The following ADAMTSL1 variants were observed in gnomAD, a reference collection of about 807,000 sequenced individuals.
The protein encoded by ADAMTSL1 is ADAMTS-like protein 1.
ADAMTSL1 carries 126 observed loss-of-function variants against 201.8 expected under a neutral mutation model. That is an observed-to-expected ratio of 0.62 (90% CI 0.54 to 0.72). The LOEUF (loss-of-function observed/expected upper bound fraction) is 0.72, where lower values mean the gene tolerates loss of function less well. Among genes scored for constraint, ADAMTSL1 ranks in the 30% least tolerant of loss-of-function variants. ADAMTSL1 has a pLI of 0.00. For synonymous variants in ADAMTSL1, 1,121 were observed against 903.4 expected (o/e 1.24, Z -4.32); for missense variants, 2,679 against 2,277.8 (o/e 1.18, Z -3.59).
chr9:17,919,362 G>A (rs969525672), intron 1 of ADAMTSL1, among the ~76,000 whole-genome samples: 1 of 151,550 alleles, frequency 6.6e-6, no homozygotes, highest in African/African-American at 2.4e-5. Flanking sequence ...CATTTTAAAC[G>A]GTTCTGGTTC....
chr9:17,997,600 T>C (rs1291535028), intron 1 of ADAMTSL1, among the ~76,000 whole-genome samples: 1 of 152,018 alleles, frequency 6.6e-6, no homozygotes, highest in Non-Finnish European at 1.5e-5. Flanking sequence ...AGCAGGGCCC[T>C]CCACACAGCG....
intron 1 of ADAMTSL1, among the ~76,000 whole-genome samples, chr9:18,124,075 C>T (rs1394660718): frequency 1.7e-5 from 2 of 117,130 alleles, no homozygotes; most frequent in African/African-American, 6.2e-5. Context: ...GCTTATTTGC[C>T]AGTTTTTTTT....
At chr9:18,542,811 C>T (rs1820231292) in intron 3 of ADAMTSL1, among the ~76,000 whole-genome samples, 1 of 152,176 alleles carries the variant, frequency 6.6e-6, no homozygotes, top group East Asian at 1.9e-4. Context: ...TTCTGAAAGA[C>T]TACATTATTT....
rs190812290 is a variant in ADAMTSL1 at position 18,001,463 on chromosome 9, T to A, written c.87+94541T>A. 6.6e-5 allele frequency among the ~76,000 whole-genome samples: 10 copies of A among 152,076 alleles called. No individual in the cohort carries two copies. In the South Asian group the frequency reaches 2.1e-3, roughly 32 times the overall value. ...GTCAGTGGGGAAGTCAGATGTAGAA[T>A]AGGTCATTTTAGGAAAATAAAATTG... On this transcript the variant is annotated intron_variant, in intron 1 of 29. Coordinates refer to the ADAMTSL1 transcript ENST00000680146.
At chr9:18,470,115 C>G (rs1344286410), upstream of ADAMTSL1, among the ~76,000 whole-genome samples, 2 of 152,110 alleles carry the variant, frequency 1.3e-5, no homozygotes, top group East Asian at 3.9e-4. Flanking sequence ...AGTCAAACAG[C>G]CTTTGATAGA....
At chr9:17,915,388 A>C (rs769269803) in intron 1 of ADAMTSL1, among the ~76,000 whole-genome samples, 1 of 152,200 alleles carries the variant, frequency 6.6e-6, no homozygotes. Context: ...GCATGTATCA[A>C]TATCTCGCTG....
chr9:18,812,634 G>A (rs1823573863), intron 20 of ADAMTSL1, among the ~76,000 whole-genome samples: 1 of 152,144 alleles, frequency 6.6e-6, no homozygotes, highest in African/African-American at 2.4e-5. Context: ...ATGTCATGAA[G>A]TGTTTCCTCT....
At chr9:18,167,873 C>T (rs1040786562) in intron 2 of ADAMTSL1, among the ~76,000 whole-genome samples, 1 of 151,896 alleles carries the variant, frequency 6.6e-6, no homozygotes, top group African/African-American at 2.4e-5. Flanking sequence ...AGAAATATGT[C>T]AGGAACATTT....
intron 1 of ADAMTSL1, among the ~76,000 whole-genome samples, chr9:17,953,222 G>T (rs1827798895): frequency 6.6e-6 from 1 of 152,066 alleles, no homozygotes; most frequent in African/African-American, 2.4e-5. Context: ...ACTTGTTGAT[G>T]CTACAACCCT....
intron 1 of ADAMTSL1, among the ~76,000 whole-genome samples, chr9:18,478,539 C>G (rs530392339): frequency 5.5e-4 from 83 of 152,208 alleles, no homozygotes; most frequent in African/African-American, 1.9e-3. Context: ...ATGTGTAGTT[C>G]TGTTTCTTTG....
At chr9:18,006,795 A>G (rs906551656) in intron 1 of ADAMTSL1, among the ~76,000 whole-genome samples, 1 of 152,022 alleles carries the variant, frequency 6.6e-6, no homozygotes, top group African/African-American at 2.4e-5. Flanking sequence ...CATTGTGATG[A>G]CGACATTTTA....
At chr9:17,971,447 C>T (rs188911561) in intron 1 of ADAMTSL1, among the ~76,000 whole-genome samples, 1 of 151,986 alleles carries the variant, frequency 6.6e-6, no homozygotes. Context: ...GCTTTTAAAT[C>T]TAGGACACAA....
chr9:18,696,286 G>T (rs111348104), intron 13 of ADAMTSL1, among the ~76,000 whole-genome samples: 1,629 of 152,302 alleles, frequency 0.011, 23 homozygotes, highest in African/African-American at 0.036. Flanking sequence ...AGGGAAGAGG[G>T]TGATCCAGGG....
chr9:18,281,705 T>A (rs1256871574), intron 2 of ADAMTSL1, among the ~76,000 whole-genome samples: 1 of 152,200 alleles, frequency 6.6e-6, no homozygotes, highest in Non-Finnish European at 1.5e-5. Context: ...GGACCATTGT[T>A]TGTGTCCATG....
At chr9:18,303,183 T>C (rs1282207296) in intron 2 of ADAMTSL1, among the ~76,000 whole-genome samples, 1 of 152,232 alleles carries the variant, frequency 6.6e-6, no homozygotes, top group Admixed American at 6.5e-5. Context: ...TTTAGAGGAC[T>C]CAGGAAACCC....
At chr9:18,794,211 C>G (rs373934635) in intron 19 of ADAMTSL1, among the ~76,000 whole-genome samples, 15 of 152,084 alleles carry the variant, frequency 9.9e-5, no homozygotes, top group Admixed American at 2.6e-4. Flanking sequence ...GAGTTCAAGA[C>G]CAGCCTGGGC....
Position 18,777,566 on chromosome 9 carries a change from C to T in ADAMTSL1, c.3337C>T (p.Leu1113=). 1 of 1,608,798 alleles carries T rather than the reference C, an allele frequency of 6.2e-7. No homozygotes were observed. Among genetic ancestry groups the T allele is most frequent in the Non-Finnish European group, 8.5e-7 (1 of 1,177,786 alleles). ...QLAQEIFRSH[L]EHQDTLLKPS... is the part of the protein sequence containing the mutation. ...GGCCCAGGAGATCTTCCGCAGCCAC[C>T]TGGAGCACCAGGACACGCTCCTGAA... The change falls in exon 19 of 29, where the codon CTG becomes TTG. Residue 1113 remains leucine, a synonymous_variant. Coordinates refer to ENST00000380548, the MANE Select transcript of ADAMTSL1 (RefSeq NM_001040272.6).
At chr9:18,771,943 T>TA (rs1820717133) in intron 17 of ADAMTSL1, among the ~76,000 whole-genome samples, 1 of 152,194 alleles carries the variant, frequency 6.6e-6, no homozygotes, top group South Asian at 2.1e-4. Flanking sequence ...TTAACTTACA[T>TA]TACGACAGGT....
chr9:18,574,881 G>A (rs1822609680), intron 4 of ADAMTSL1, among the ~76,000 whole-genome samples: 1 of 152,142 alleles, frequency 6.6e-6, no homozygotes, highest in South Asian at 2.1e-4. Context: ...TAGGGAATTA[G>A]TAAGGTGAAA....
Sources: allele counts gnomAD v4.1 joint callset (sites outside exome capture counted in the v4.1 genomes callset), GRCh38; gene constraint gnomAD v4.1.1; transcripts MANE v1.5; gene names NCBI Gene and HGNC (gene_info 2026-07-23, HGNC 2026-07-21).